Variants in RBM26 observed in about 807,000 individuals in gnomAD.
RBM26 encodes RNA binding motif protein 26, also known as RNA-binding protein 26.
Under a neutral mutation model 123.6 loss-of-function variants are expected in RBM26, and 30 were observed. The ratio of observed to expected loss-of-function variants is 0.24; its 90% CI spans 0.18 to 0.33. The LOEUF (loss-of-function observed/expected upper bound fraction) is 0.33. RBM26 is among the 10% of genes least tolerant of loss of function. The pLI is 1.00. For synonymous variants in RBM26, 400 were observed against 404.4 expected, an observed-to-expected ratio of 0.99 and a Z score of 0.13; for missense variants, 947 against 1,203.6, an observed-to-expected ratio of 0.79 and a Z score of 3.15.
exon 5 of RBM26, chr13:79,311,855 A>T (rs558196748): frequency 5.9e-5 from 9 of 152,208 alleles, no homozygotes; most frequent in Non-Finnish European, 8.8e-5. Context: ...TATTTTAAAA[A>T]TTTTCAAAAT....
At chr13:79,379,421 T>C (rs1229049896) in intron 1 of RBM26, among the ~76,000 whole-genome samples, 2 of 147,800 alleles carry the variant, frequency 1.4e-5, no homozygotes, top group Non-Finnish European at 3.0e-5. Flanking sequence ...TGTGTGCCTG[T>C]AGTCCCAGCT....
chr13:79,330,097 T>C (rs2069062339), intron 20 of RBM26, among the ~76,000 whole-genome samples: 1 of 152,204 alleles, frequency 6.6e-6, no homozygotes, highest in Admixed American at 6.5e-5. Flanking sequence ...ATGATGTGCA[T>C]ATGTGAATAC....
At chr13:79,393,768 G>C (rs2078307039) in intron 1 of RBM26, among the ~76,000 whole-genome samples, 1 of 152,184 alleles carries the variant, frequency 6.6e-6, no homozygotes, top group African/African-American at 2.4e-5. Context: ...GAGTGGACCT[G>C]AGGCACTAAT....
At chr13:79,315,820 C>G (rs1327703126), downstream of RBM26, among the ~76,000 whole-genome samples, 1 of 151,596 alleles carries the variant, frequency 6.6e-6, no homozygotes, top group Non-Finnish European at 1.5e-5. Flanking sequence ...AGTTTCTTTC[C>G]TAGGATTTTT....
intron 1 of RBM26, among the ~76,000 whole-genome samples, chr13:79,404,498 C>G (rs190200525): frequency 6.6e-6 from 1 of 152,186 alleles, no homozygotes; most frequent in African/African-American, 2.4e-5. Flanking sequence ...AATCATCTCA[C>G]GTCTTCCCAT....
At chr13:79,390,668 T>A (rs1198126179) in intron 1 of RBM26, among the ~76,000 whole-genome samples, 1 of 152,188 alleles carries the variant, frequency 6.6e-6, no homozygotes, top group African/African-American at 2.4e-5. Context: ...ACATCTGCGA[T>A]TTACTCTGAA....
rs562123004 is a variant in RBM26, at chr13:79,388,957, C to T, written c.72-10050G>A. 2.0e-4 allele frequency among the ~76,000 whole-genome samples: 30 copies of T among 152,210 alleles called. No homozygotes were observed. The South Asian group carries it at 5.2e-3, about 26-fold the overall frequency. ...ACTATTACAAGGAGCAACAAATAAA[C>T]GACCGGCTGAAGTATATATTAATGC... is the stretch of plus-strand genomic sequence containing the variant. On this transcript the variant is annotated intron_variant, in intron 1 of 21. Coordinates refer to ENST00000438737, the MANE Select transcript of RBM26 (RefSeq NM_001366735.2).
chr13:79,353,694 G>GA (rs1031277543), intron 13 of RBM26, among the ~76,000 whole-genome samples: 160 of 152,226 alleles, frequency 1.1e-3, no homozygotes, highest in African/African-American at 3.5e-3. Context: ...TGTCCTTGCA[G>GA]AAATTCAGCA....
chr13:79,325,359 C>G (rs905329833), intron 20 of RBM26, among the ~76,000 whole-genome samples: 2 of 152,014 alleles, frequency 1.3e-5, no homozygotes, highest in African/African-American at 4.8e-5. Context: ...TTGCCTATGA[C>G]AGCTGTGTGT....
chr13:79,353,359 T>C (rs778738935), intron 13 of RBM26, 135 bp from the exon 14 acceptor site: 4 of 438,202 alleles, frequency 9.1e-6, no homozygotes, highest in South Asian at 1.3e-4. Context: ...AACTTGGTCC[T>C]TCTTAAAAGA....
chr13:79,379,590 C>A, intron 1 of RBM26, among the ~76,000 whole-genome samples: 2 of 148,748 alleles, frequency 1.3e-5, no homozygotes, highest in South Asian at 2.1e-4. Flanking sequence ...TTGCCTTTTA[C>A]AAAATAAACT....
rs562626755 is a variant in RBM26 at position 79,343,545 on chromosome 13, C to A, written c.2259+703G>T. 3.9e-5 allele frequency among the ~76,000 whole-genome samples: 6 copies of A among 151,946 alleles called. No homozygotes were observed. The East Asian group carries it at 1.2e-3, about 29-fold the overall frequency. ...TTCAACATTTTGAAATGTCATACTA[C>A]TAACCTTCATTACTAGACATAATCA... is the stretch of plus-strand genomic sequence containing the variant. On this transcript the variant is annotated intron_variant, in intron 16 of 21. Coordinates refer to ENST00000438737, the MANE Select transcript of RBM26 (RefSeq NM_001366735.2).
In RBM26 at chr13:79,354,472, T is replaced by A. The variant is rs979407602; in HGVS notation, c.1953A>T (p.Ala651=). The A allele has an allele frequency of 1.2e-6, 2 of 1,600,336 alleles. No individual in the cohort carries two copies. Among genetic ancestry groups the A allele is most frequent in the African/African-American group, 2.7e-5 (2 of 74,704 alleles). The change falls in exon 13 of 22, where the codon GCA becomes GCT. Residue 651 remains alanine, a synonymous_variant. Transcript: ENST00000438737. The part of the protein sequence containing the change: ...GPVPSSTIEP[A]EAQSASSDLP... ...GGTCTGAAGAGGCACTCTGGGCTTCTGCAGGTTCAATAGTACTTGAAGGTA... is the reference window on the plus strand; with the variant it reads ...GGTCTGAAGAGGCACTCTGGGCTTCAGCAGGTTCAATAGTACTTGAAGGTA...
rs751617209 is a variant in RBM26 at position 79,370,908 on chromosome 13, G to A, written c.634+37C>T. On this transcript the variant is annotated intron_variant, in intron 5 of 21. Coordinates refer to ENST00000438737, the MANE Select transcript of RBM26 (RefSeq NM_001366735.2). The stretch of plus-strand genomic sequence containing the variant: ...ATTTTTAAAAACATTTAAACATGGA[G>A]TTTTTCATAAAAAGATAACCAAAAT... 29 of 1,570,746 alleles carry A rather than the reference G, an allele frequency of 1.8e-5. No individual in the cohort carries two copies. The Admixed American group carries it at 3.9e-4, about 21-fold the overall frequency.
chr13:79,362,183 TTATC>T (rs2074773229), intron 9 of RBM26, among the ~76,000 whole-genome samples: 1 of 152,140 alleles, frequency 6.6e-6, no homozygotes, highest in African/African-American at 2.4e-5. Flanking sequence ...AAAACTAAAT[TTATC>T]TTTCTGTCAA....
At chr13:79,317,243 AT>A (rs2067235262), downstream of RBM26, among the ~76,000 whole-genome samples, 3 of 151,774 alleles carry the variant, frequency 2.0e-5, no homozygotes, top group African/African-American at 7.2e-5. Context: ...AAGAGGCATC[AT>A]ATAAATTACC....
At chr13:79,314,870 C>A, downstream of RBM26, 1 of 698,770 alleles carries the variant, frequency 1.4e-6, no homozygotes, top group South Asian at 1.6e-5. Flanking sequence ...AACATCTGTT[C>A]AAATTGATAA....
At chr13:79,360,842 C>T (rs886305814) in intron 9 of RBM26, among the ~76,000 whole-genome samples, 3 of 152,086 alleles carry the variant, frequency 2.0e-5, no homozygotes, top group African/African-American at 7.2e-5. Flanking sequence ...CAAATGACTC[C>T]AAAGTTTAAA....
chr13:79,355,146 T>A, intron 12 of RBM26, 74 bp downstream of exon 12: 1 of 1,370,062 alleles, frequency 7.3e-7, no homozygotes, highest in Non-Finnish European at 1.0e-6. Context: ...TTGATTCCAA[T>A]GCCTCTACTC....
Sources: allele counts gnomAD v4.1 joint callset (sites outside exome capture counted in the v4.1 genomes callset), GRCh38; gene constraint gnomAD v4.1.1; transcripts MANE v1.5; gene names NCBI Gene and HGNC (gene_info 2026-07-23, HGNC 2026-07-21).